Variants in QTMAN observed in about 807,000 individuals in gnomAD.
QTMAN encodes queuosine-tRNA mannosyltransferase, also known as tRNA-queuosine alpha-mannosyltransferase.
At chr2:144,065,836 GT>G in the QTMAN span, among the ~76,000 whole-genome samples, 6 of 151,404 alleles carry the variant, frequency 4.0e-5, no homozygotes, top group Non-Finnish European at 8.8e-5. Flanking sequence ...TTCAAGAGTG[GT>G]ATAAAATAAT....
chr2:144,278,440 C>G, the QTMAN span, among the ~76,000 whole-genome samples: 1 of 151,914 alleles, frequency 6.6e-6, no homozygotes, highest in African/African-American at 2.4e-5. Flanking sequence ...GACAAGGCAA[C>G]ATTTATTACA....
At chr2:144,262,818 G>A in the QTMAN span, among the ~76,000 whole-genome samples, 1 of 81,818 alleles carries the variant, frequency 1.2e-5, no homozygotes, top group Non-Finnish European at 2.4e-5. Flanking sequence ...GAGGAGAGGG[G>A]AGAGGGGAGC....
the QTMAN span, among the ~76,000 whole-genome samples, chr2:144,220,102 T>G: frequency 6.6e-6 from 1 of 152,140 alleles, no homozygotes; most frequent in Admixed American, 6.6e-5. Context: ...ATGCTAAAGT[T>G]TAAAAAGCTC....
the QTMAN span, among the ~76,000 whole-genome samples, chr2:144,043,426 G>T: frequency 6.6e-6 from 1 of 152,076 alleles, no homozygotes; most frequent in South Asian, 2.1e-4. Flanking sequence ...ACCAGGTCAG[G>T]AGTTCAAGAT....
At chr2:144,252,136 G>A in the QTMAN span, among the ~76,000 whole-genome samples, 1 of 152,132 alleles carries the variant, frequency 6.6e-6, no homozygotes, top group Admixed American at 6.5e-5. Flanking sequence ...GGAGGCCAAG[G>A]CAGGAGGAAT....
chr2:144,132,899 C>CA, the QTMAN span, among the ~76,000 whole-genome samples: 1 of 150,552 alleles, frequency 6.6e-6, no homozygotes, highest in Admixed American at 6.7e-5. Flanking sequence ...CCTCATAACA[C>CA]ACCTAAGGTG....
chr2:144,273,822 G>A, the QTMAN span, among the ~76,000 whole-genome samples: 2 of 152,066 alleles, frequency 1.3e-5, no homozygotes, highest in African/African-American at 4.8e-5. Context: ...TAGGGACAAT[G>A]GCCCAGTGTG....
the QTMAN span, among the ~76,000 whole-genome samples, chr2:144,198,354 GA>G: frequency 6.6e-6 from 1 of 152,154 alleles, no homozygotes; most frequent in South Asian, 2.1e-4. Flanking sequence ...TGCCAAACAT[GA>G]TATCAGATGC....
At chr2:144,306,624 T>A in the QTMAN span, among the ~76,000 whole-genome samples, 2 of 151,978 alleles carry the variant, frequency 1.3e-5, no homozygotes, top group South Asian at 2.1e-4. Context: ...AACCTAAAAA[T>A]TTTGAGGGAA....
At chr2:144,331,557 C>G in the QTMAN span, among the ~76,000 whole-genome samples, 3 of 151,956 alleles carry the variant, frequency 2.0e-5, no homozygotes, top group African/African-American at 7.3e-5. Flanking sequence ...CTTTGAAACT[C>G]CCATCACACG....
the QTMAN span, among the ~76,000 whole-genome samples, chr2:143,998,433 A>AG: frequency 0.011 from 1,603 of 150,598 alleles, 30 homozygotes; most frequent in African/African-American, 0.036. Context: ...AGACGACAGA[A>AG]GGGGGGGGAA....
chr2:144,281,395 C>CAAAAAAAAAAAAAAAAAA, the QTMAN span, among the ~76,000 whole-genome samples: 2 of 60,594 alleles, frequency 3.3e-5, no homozygotes, highest in African/African-American at 6.4e-5. Flanking sequence ...ATTGTTATAG[C>CAAAAAAAAAAAAAAAAAA]AAAAAAAAAA....
At chr2:144,145,599 T>C in the QTMAN span, 1 of 1,610,146 alleles carries the variant, frequency 6.2e-7, no homozygotes, top group Non-Finnish European at 8.5e-7. Context: ...GTATCCATAT[T>C]GGAAATCCCT....
chr2:144,137,324 T>C, the QTMAN span, among the ~76,000 whole-genome samples: 2 of 152,276 alleles, frequency 1.3e-5, no homozygotes, highest in South Asian at 4.1e-4. Flanking sequence ...GCAGGGGTTA[T>C]TTGATGTGCA....
chr2:144,019,162 G>T, the QTMAN span, among the ~76,000 whole-genome samples: 1 of 152,142 alleles, frequency 6.6e-6, no homozygotes, highest in Non-Finnish European at 1.5e-5. Flanking sequence ...GGGTCAGATT[G>T]GGTCTGAATA....
At chr2:144,119,086 G>A in the QTMAN span, among the ~76,000 whole-genome samples, 9 of 152,074 alleles carry the variant, frequency 5.9e-5, no homozygotes, top group Non-Finnish European at 1.3e-4. Context: ...TAATGTCTGG[G>A]CAAGAGACCA....
the QTMAN span, among the ~76,000 whole-genome samples, chr2:143,966,694 T>C: frequency 1.3e-5 from 2 of 152,252 alleles, no homozygotes; most frequent in African/African-American, 4.8e-5. Context: ...ATCTATAAAC[T>C]GTAGCACTAT....
chr2:144,188,041 G>C, the QTMAN span, among the ~76,000 whole-genome samples: 2 of 152,198 alleles, frequency 1.3e-5, no homozygotes, highest in African/African-American at 4.8e-5. Flanking sequence ...GCCAGAAAGA[G>C]GCAAGGAAGG....
the QTMAN span, among the ~76,000 whole-genome samples, chr2:144,230,844 GA>G: frequency 1.3e-5 from 2 of 151,584 alleles, no homozygotes; most frequent in African/African-American, 4.8e-5. Context: ...TTAGGACAGG[GA>G]AAAAAAACCT....
Sources: gnomAD v4.1 joint callset for allele counts (sites outside exome capture counted in the v4.1 genomes callset) on GRCh38, gnomAD v4.1.1 for gene constraint, MANE v1.5 for transcripts, NCBI Gene and HGNC (gene_info 2026-07-23, HGNC 2026-07-21) for gene names.